Variants in HNF4G observed in about 807,000 individuals in gnomAD.
HNF4G encodes the protein hepatocyte nuclear factor 4-gamma.
Under a neutral mutation model 50.9 loss-of-function variants are expected in HNF4G, and 21 were observed. The ratio of observed to expected loss-of-function variants is 0.41; its 90% confidence interval spans 0.29 to 0.59. The LOEUF (loss-of-function observed/expected upper bound fraction) is 0.59. HNF4G is among the 20% of genes least tolerant of loss of function. The pLI, the probability that HNF4G is intolerant of heterozygous loss-of-function variation, is 0.26. For missense variants in HNF4G, 527 were observed against 559.4 expected, an observed-to-expected ratio of 0.94 and a Z score of 0.58; for synonymous variants, 198 against 185.6, an observed-to-expected ratio of 1.07 and a Z score of -0.54.
intron 4 of HNF4G, among the ~76,000 whole-genome samples, chr8:75,551,838 A>G (rs1234103402): frequency 6.6e-6 from 1 of 152,202 alleles, no homozygotes; most frequent in East Asian, 1.9e-4. Context: ...AGCTACCACA[A>G]CTTTTGGGGA....
At chr8:75,493,311 G>T (rs1174914148) in intron 2 of HNF4G, among the ~76,000 whole-genome samples, 1 of 152,096 alleles carries the variant, frequency 6.6e-6, no homozygotes, top group Non-Finnish European at 1.5e-5. Context: ...AGAAATGGAG[G>T]CTGGTTGGAC....
intron 1 of HNF4G, among the ~76,000 whole-genome samples, chr8:75,458,388 T>TA (rs34196989): frequency 6.7e-6 from 1 of 149,626 alleles, no homozygotes; most frequent in Non-Finnish European, 1.5e-5. Context: ...TTTTTTTTTT[T>TA]TTTACTTCTA....
At chr8:75,459,738 G>A (rs1451018547) in intron 1 of HNF4G, among the ~76,000 whole-genome samples, 1 of 152,106 alleles carries the variant, frequency 6.6e-6, no homozygotes, top group Non-Finnish European at 1.5e-5. Context: ...ATCCATTGAT[G>A]TGATTCAGAC....
chr8:75,428,554 G>A (rs1054939585), intron 1 of HNF4G, among the ~76,000 whole-genome samples: 3 of 152,134 alleles, frequency 2.0e-5, no homozygotes, highest in Non-Finnish European at 2.9e-5. Flanking sequence ...TCAAGAAAGC[G>A]CAGAAAGAGC....
intron 2 of HNF4G, among the ~76,000 whole-genome samples, chr8:75,547,055 T>C (rs1287695870): frequency 6.6e-6 from 1 of 152,196 alleles, no homozygotes; most frequent in Admixed American, 6.5e-5. Flanking sequence ...TTTGTTTACC[T>C]GTGTGTAAAG....
At chr8:75,537,474 G>A (rs1270132901), upstream of HNF4G, among the ~76,000 whole-genome samples, 1 of 151,962 alleles carries the variant, frequency 6.6e-6, no homozygotes, top group Non-Finnish European at 1.5e-5. Flanking sequence ...TCAAACTCCT[G>A]GGCTCAAGCA....
At chr8:75,563,724 C>A (rs1461246664) in intron 9 of HNF4G, among the ~76,000 whole-genome samples, 1 of 151,506 alleles carries the variant, frequency 6.6e-6, no homozygotes, top group African/African-American at 2.4e-5. Context: ...GCAGAAAACA[C>A]CTTAAAGTAA....
chr8:75,508,802 G>T (rs1270881034), intron 2 of HNF4G, among the ~76,000 whole-genome samples: 2 of 152,198 alleles, frequency 1.3e-5, no homozygotes, highest in Non-Finnish European at 2.9e-5. Flanking sequence ...ACTGACAAAA[G>T]ATGAAGCTGA....
intron 2 of HNF4G, among the ~76,000 whole-genome samples, chr8:75,517,139 A>G (rs980504997): frequency 3.9e-5 from 6 of 152,168 alleles, no homozygotes; most frequent in African/African-American, 1.4e-4. Flanking sequence ...TCACGAGAAT[A>G]GCATGGGAAA....
At chr8:75,468,832 G>C in intron 1 of HNF4G, among the ~76,000 whole-genome samples, 1 of 151,246 alleles carries the variant, frequency 6.6e-6, no homozygotes, top group East Asian at 1.9e-4. Flanking sequence ...CTATCATCTA[G>C]AAAGCAAGTT....
chr8:75,415,958 T>G (rs565661035), intron 1 of HNF4G, among the ~76,000 whole-genome samples: 1 of 152,324 alleles, frequency 6.6e-6, no homozygotes, highest in African/African-American at 2.4e-5. Flanking sequence ...ACCCGTACTT[T>G]AAAAATGACA....
chr8:75,451,268 A>G (rs1811578513), intron 1 of HNF4G, among the ~76,000 whole-genome samples: 1 of 151,948 alleles, frequency 6.6e-6, no homozygotes, highest in African/African-American at 2.4e-5. Flanking sequence ...TTGCAAATAT[A>G]TTCTCCCATT....
chr8:75,485,418 A>G (rs1039918969), intron 1 of HNF4G, among the ~76,000 whole-genome samples: 2 of 152,192 alleles, frequency 1.3e-5, no homozygotes, highest in African/African-American at 2.4e-5. Context: ...CCCAAAATCA[A>G]TGTCATAAAT....
chr8:75,464,674 C>A (rs1181041244), intron 1 of HNF4G, among the ~76,000 whole-genome samples: 2 of 152,094 alleles, frequency 1.3e-5, no homozygotes, highest in East Asian at 3.9e-4. Flanking sequence ...TTTATGGAGT[C>A]TATCAGATTG....
chr8:75,513,123 C>T (rs185282340), intron 2 of HNF4G, among the ~76,000 whole-genome samples: 42 of 150,630 alleles, frequency 2.8e-4, no homozygotes, highest in African/African-American at 9.8e-4. Context: ...CTATAACCTT[C>T]GCCTCCTGGC....
intron 1 of HNF4G, among the ~76,000 whole-genome samples, chr8:75,417,647 A>G (rs1810673585): frequency 6.6e-6 from 1 of 152,206 alleles, no homozygotes; most frequent in Non-Finnish European, 1.5e-5. Flanking sequence ...TTTGTGTTCT[A>G]TCAATTATTT....
At chr8:75,538,896 G>C (rs550137188), upstream of HNF4G, among the ~76,000 whole-genome samples, 1 of 152,294 alleles carries the variant, frequency 6.6e-6, no homozygotes, top group African/African-American at 2.4e-5. Context: ...AAGGTTTGTG[G>C]TGTTAAGAAA....
intron 1 of HNF4G, among the ~76,000 whole-genome samples, chr8:75,443,740 C>T (rs1050108516): frequency 6.6e-6 from 1 of 152,074 alleles, no homozygotes; most frequent in African/African-American, 2.4e-5. Context: ...ATATTGTGTA[C>T]ATTCTTCTAT....
At chr8:75,450,963 A>G (rs1431247289) in intron 1 of HNF4G, among the ~76,000 whole-genome samples, 1 of 152,180 alleles carries the variant, frequency 6.6e-6, no homozygotes, top group South Asian at 2.1e-4. Context: ...GCCCTTCACC[A>G]GATGCCAGCA....
Sources: allele counts gnomAD v4.1 joint callset (sites outside exome capture counted in the v4.1 genomes callset), GRCh38; gene constraint gnomAD v4.1.1; transcripts MANE v1.5; gene names NCBI Gene and HGNC (gene_info 2026-07-23, HGNC 2026-07-21).